The following NUMB variants were observed in gnomAD, a reference collection of about 807,000 sequenced individuals.
NUMB encodes the protein NUMB endocytic adaptor protein, also known as protein numb homolog.
Under a neutral mutation model 59.7 loss-of-function variants are expected in NUMB, and 29 were observed. The ratio of observed to expected loss-of-function variants is 0.49; its 90% confidence interval spans 0.36 to 0.66. The LOEUF is 0.66. Ranked by LOEUF, NUMB falls within the 30% of genes least tolerant of loss-of-function variation. The pLI, the probability that NUMB is intolerant of heterozygous loss-of-function variation, is 0.00. For missense variants in NUMB, 723 were observed against 822.0 expected, an observed-to-expected ratio of 0.88 and a Z score of 1.47; for synonymous variants, 288 against 288.2, an observed-to-expected ratio of 1.00 and a Z score of 0.01.
intron 1 of NUMB, among the ~76,000 whole-genome samples, chr14:73,433,687 G>A (rs190249265): frequency 5.9e-5 from 9 of 152,178 alleles, no homozygotes; most frequent in African/African-American, 1.9e-4. Flanking sequence ...GTTTGTCCAC[G>A]GTCTGTTAAT....
chr14:73,300,342 A>C (rs1890063133), intron 6 of NUMB, among the ~76,000 whole-genome samples: 1 of 152,218 alleles, frequency 6.6e-6, no homozygotes, highest in Admixed American at 6.5e-5. Flanking sequence ...CAGATTTGTA[A>C]AGGAGGGAGT....
intron 1 of NUMB, among the ~76,000 whole-genome samples, chr14:73,414,386 G>A (rs1897029585): frequency 6.6e-6 from 1 of 152,108 alleles, no homozygotes; most frequent in African/African-American, 2.4e-5. Context: ...TCTACTTTCA[G>A]ATAATGTTGC....
intron 6 of NUMB, among the ~76,000 whole-genome samples, chr14:73,310,941 T>A (rs978540562): frequency 1.2e-4 from 18 of 152,208 alleles, no homozygotes; most frequent in Non-Finnish European, 2.1e-4. Context: ...CATGTAATTA[T>A]TTGGTAATAA....
intron 1 of NUMB, among the ~76,000 whole-genome samples, chr14:73,434,398 A>T (rs1167645476): frequency 6.6e-6 from 1 of 152,200 alleles, no homozygotes; most frequent in East Asian, 1.9e-4. Context: ...AGCACTTAGA[A>T]CGCTTCTTGG....
chr14:73,295,094 T>TATCAGA (rs1247688180), intron 7 of NUMB, among the ~76,000 whole-genome samples: 1 of 122,256 alleles, frequency 8.2e-6, no homozygotes, highest in African/African-American at 3.1e-5. Context: ...GTAGGAACAC[T>TATCAGA]ATCAGAATCA....
intron 2 of NUMB, among the ~76,000 whole-genome samples, chr14:73,391,125 T>C (rs1452476515): frequency 2.0e-5 from 3 of 152,094 alleles, no homozygotes; most frequent in Admixed American, 6.5e-5. Flanking sequence ...TTTTTAAACC[T>C]TTCTCAGCCT....
At chr14:73,325,691 G>A (rs1891624050) in intron 4 of NUMB, among the ~76,000 whole-genome samples, 1 of 152,152 alleles carries the variant, frequency 6.6e-6, no homozygotes, top group South Asian at 2.1e-4. Context: ...GATACAGAAA[G>A]ATGTCTGGGA....
chr14:73,286,098 C>T (rs1162814076), intron 9 of NUMB: 7 of 151,186 alleles, frequency 4.6e-5, no homozygotes. Context: ...GATCACAGCT[C>T]ACTGTAACCT....
At chr14:73,322,039 A>C (rs141207181) in intron 5 of NUMB, among the ~76,000 whole-genome samples, 1 of 152,332 alleles carries the variant, frequency 6.6e-6, no homozygotes, top group Non-Finnish European at 1.5e-5. Context: ...GAGAAGCACA[A>C]AAGTTCTGAT....
chr14:73,426,165 T>G (rs1245836656), intron 1 of NUMB, among the ~76,000 whole-genome samples: 2 of 152,152 alleles, frequency 1.3e-5, no homozygotes, highest in Non-Finnish European at 2.9e-5. Context: ...TTTGAAATCT[T>G]GGCTTCAGGC....
chr14:73,336,768 T>C (rs1285472124), intron 4 of NUMB, among the ~76,000 whole-genome samples: 2 of 152,192 alleles, frequency 1.3e-5, no homozygotes, highest in African/African-American at 4.8e-5. Flanking sequence ...CAAAAACAGA[T>C]GTGAAGTTTC....
chr14:73,421,652 TA>T (rs1485562277), intron 1 of NUMB, among the ~76,000 whole-genome samples: 1 of 152,092 alleles, frequency 6.6e-6, no homozygotes, highest in Admixed American at 6.6e-5. Context: ...TCAAATACCA[TA>T]AGGGGCAATG....
rs1892405368 is a variant in NUMB, at chr14:73,337,630, C to CACAA, written c.127-14430_127-14427dup. The stretch of plus-strand genomic sequence containing the variant: ...TCACCAATTCTACCCAGTGCTGTAC[C>CACAA]ACAAGCTCTGCCCAGTGCAATGAGG... On this transcript the variant is annotated intron_variant, in intron 4 of 12. Coordinates refer to ENST00000555238, the MANE Select transcript of NUMB (RefSeq NM_001005743.2). 2.0e-5 allele frequency among the ~76,000 whole-genome samples: 3 copies of CACAA among 152,198 alleles called. No homozygotes were observed. The South Asian group carries it at 6.2e-4, about 32-fold the overall frequency.
At chr14:73,437,500 C>T (rs1898109027) in intron 1 of NUMB, among the ~76,000 whole-genome samples, 1 of 152,122 alleles carries the variant, frequency 6.6e-6, no homozygotes, top group African/African-American at 2.4e-5. Context: ...CTGTAATCAA[C>T]AAACTGGCTT....
intron 4 of NUMB, among the ~76,000 whole-genome samples, chr14:73,331,763 C>T (rs1171323059): frequency 1.3e-5 from 2 of 152,116 alleles, no homozygotes; most frequent in Admixed American, 6.6e-5. Context: ...TAGCATTTCC[C>T]TTGCTGGCTC....
intron 5 of NUMB, among the ~76,000 whole-genome samples, chr14:73,320,210 C>A (rs1594901265): frequency 6.6e-6 from 1 of 152,124 alleles, no homozygotes; most frequent in East Asian, 1.9e-4. Context: ...CCCAAAACTT[C>A]AATTTCATGT....
chr14:73,443,938 A>T (rs1360805377), intron 1 of NUMB, among the ~76,000 whole-genome samples: 1 of 131,504 alleles, frequency 7.6e-6, no homozygotes, highest in Non-Finnish European at 1.6e-5. Context: ...ACAAAGTCTC[A>T]CTCTGTCCCC....
chr14:73,364,866 G>A (rs1303134659), intron 3 of NUMB, among the ~76,000 whole-genome samples: 2 of 151,950 alleles, frequency 1.3e-5, no homozygotes, highest in African/African-American at 2.4e-5. Context: ...TCAAACTCCT[G>A]GGCTCAAGCA....
In NUMB at chr14:73,445,354, CAAAAAAAAAAAAAAAAA is replaced by C. The variant is rs752154048; in HGVS notation, c.-233+13122_-233+13138del. On this transcript the variant is annotated intron_variant, in intron 1 of 12. Coordinates refer to ENST00000555238, the MANE Select transcript of NUMB (RefSeq NM_001005743.2). The stretch of plus-strand genomic sequence containing the variant: ...TGAGTGACAAAGTGAGACCCTGTCT[CAAAAAAAAAAAAAAAAA>C]AAAAAAAAAAAAAAAAAAAAAAAAA... 8.9e-3 allele frequency among the ~76,000 whole-genome samples: 510 copies of C among 57,476 alleles called. 4 individuals are homozygous for C. The highest frequency in any genetic ancestry group is 0.027 in the African/African-American group (437 of 16,444). The allele number at this position is 57,476 out of a possible 152,430, so 37.7% of individuals were successfully genotyped here.
Sources: gnomAD v4.1 joint callset for allele counts (sites outside exome capture counted in the v4.1 genomes callset) on GRCh38, gnomAD v4.1.1 for gene constraint, MANE v1.5 for transcripts, NCBI Gene and HGNC (gene_info 2026-07-23, HGNC 2026-07-21) for gene names.